FBXL18: variants seen among roughly 807,000 people sequenced by gnomAD.
FBXL18 encodes the protein F-box/LRR-repeat protein 18.
Under a neutral mutation model 46.0 loss-of-function variants are expected in FBXL18, and 36 were observed. That is an observed-to-expected ratio of 0.78 (90% CI 0.60 to 1.03). FBXL18 has a LOEUF of 1.03. Ranked by LOEUF, FBXL18 falls within the 50% of genes least tolerant of loss-of-function variation. The pLI is 0.00. For missense variants in FBXL18, 977 were observed against 1,004.1 expected, an observed-to-expected ratio of 0.97 and a Z score of 0.36; for synonymous variants, 557 against 465.3, an observed-to-expected ratio of 1.20 and a Z score of -2.54.
chr7:5,477,369 A>T lies in FBXL18; in HGVS notation c.*4406T>A, dbSNP rs1783540687. ...TGGTTTAGTGGCCCCACACTTCATC[A>T]CCTCACTTTGTCCATGAATTTCACA... On this transcript the variant is annotated 3_prime_UTR_variant, in exon 5 of 5. Coordinates refer to ENST00000382368, the MANE Select transcript of FBXL18 (RefSeq NM_024963.6). This position sits in a 1 kb window ranked among gnomAD's most constrained non-coding sequence, Gnocchi z 4.4. 6.6e-6 allele frequency among the ~76,000 whole-genome samples: 1 copy of T among 151,864 alleles called. No homozygotes were observed. The highest frequency in any genetic ancestry group is 2.1e-4 in the South Asian group (1 of 4,822).
rs10281893 is a variant in FBXL18 at position 5,481,032 on chromosome 7, G to A, written c.*743C>T. On this transcript the variant is annotated 3_prime_UTR_variant, in exon 5 of 5. Transcript: ENST00000382368. The stretch of plus-strand genomic sequence containing the variant: ...GACCTTCCCAGGGAAGCTGAAGGCC[G>A]TGGGGTGGGTGGGAGGGGGAGGAGG... 0.38 allele frequency: 56,325 copies of A among 148,730 alleles called. 11,111 individuals carry two copies. The highest frequency in any genetic ancestry group is 0.5 in the South Asian group (2,307 of 4,602). The allele number at this position is 148,730 out of a possible 1,614,324, so 9.2% of individuals were successfully genotyped here.
At chr7:5,458,410 C>T (rs1016586732) in intron 4 of FBXL18, among the ~76,000 whole-genome samples, 3 of 152,126 alleles carry the variant, frequency 2.0e-5, no homozygotes, top group Admixed American at 2.0e-4. Context: ...ACTAAAAATA[C>T]AAAAATTGGC....
At chr7:5,490,717 C>A (rs1783899198) in intron 4 of FBXL18, among the ~76,000 whole-genome samples, 1 of 152,206 alleles carries the variant, frequency 6.6e-6, no homozygotes, top group Admixed American at 6.5e-5. Context: ...GTAATCCCAG[C>A]ACTTTGGGAG....
At chr7:5,492,752 G>A (rs549798698) in intron 3 of FBXL18, among the ~76,000 whole-genome samples, 1 of 152,218 alleles carries the variant, frequency 6.6e-6, no homozygotes, top group African/African-American at 2.4e-5. Flanking sequence ...GGTCACAACA[G>A]AGGCAGAGAC....
At chr7:5,513,588 G>T in intron 1 of FBXL18, 69 bp downstream of exon 1, 1 of 1,568,888 alleles carries the variant, frequency 6.4e-7, no homozygotes, top group Non-Finnish European at 8.7e-7. Context: ...ACCCGGGTCG[G>T]GATGGAAGAA....
chr7:5,481,554 C>G lies in FBXL18; in HGVS notation c.*221G>C. 1 of 523,352 alleles carries G rather than the reference C, an allele frequency of 1.9e-6. No individual in the cohort carries two copies. The highest frequency in any genetic ancestry group is 3.4e-6 in the Non-Finnish European group (1 of 292,706). The allele number at this position is 523,352 out of a possible 1,614,324, so 32.4% of individuals were successfully genotyped here. The stretch of plus-strand genomic sequence containing the variant: ...CCCCCACATCGACCGTCCCCCGAGC[C>G]CCCTCATGTCACCCAGAACGCATCC... On this transcript the variant is annotated 3_prime_UTR_variant, in exon 5 of 5. Coordinates refer to ENST00000382368, the MANE Select transcript of FBXL18 (RefSeq NM_024963.6).
At position 5,477,297 on chromosome 7, in the gene FBXL18, G is replaced by A. The variant is rs10265508; in HGVS notation, c.*4478C>T. On this transcript the variant is annotated 3_prime_UTR_variant, in exon 5 of 5. Transcript: ENST00000382368. This position sits in a 1 kb window ranked among gnomAD's most constrained non-coding sequence, Gnocchi z 4.4. ...TCAAGGCTACCAGGAACTGGCAGCAGCGCTCTGCCCACGTCCACAGGAAGT... is the reference window on the plus strand; with the variant it reads ...TCAAGGCTACCAGGAACTGGCAGCAACGCTCTGCCCACGTCCACAGGAAGT... Among the ~76,000 whole-genome samples, 60,742 of 152,060 alleles carry A rather than the reference G, an allele frequency of 0.4. 12,640 individuals carry two copies. The highest frequency in any genetic ancestry group is 0.51 in the South Asian group (2,469 of 4,824).
chr7:5,463,261 C>T (rs1028019306), intron 4 of FBXL18, among the ~76,000 whole-genome samples: 18 of 151,430 alleles, frequency 1.2e-4, no homozygotes, highest in Non-Finnish European at 2.5e-4. Context: ...AAAATGTTGC[C>T]GTATGACTTA....
At chr7:5,460,831 T>C (rs1783233926) in intron 4 of FBXL18, among the ~76,000 whole-genome samples, 2 of 152,200 alleles carry the variant, frequency 1.3e-5, no homozygotes, top group Non-Finnish European at 2.9e-5. Flanking sequence ...ATCTGCACAT[T>C]GCCGCCCCTC....
chr7:5,465,347 C>T (rs1783326622), intron 4 of FBXL18, among the ~76,000 whole-genome samples: 1 of 151,884 alleles, frequency 6.6e-6, no homozygotes, highest in Admixed American at 6.6e-5. Context: ...ACTACAGGCG[C>T]ACACCACCAC....
rs1783611573 is a variant in FBXL18, at chr7:5,480,485, T to C, written c.*1290A>G. ...GGTATCCCTGTGTTGCCCAGGCTGA[T>C]CTCAAACTCCTGGGCTCAAGTGATC... On this transcript the variant is annotated 3_prime_UTR_variant, in exon 5 of 5. Transcript: ENST00000382368. The C allele has an allele frequency of 6.6e-6, 1 of 150,594 alleles. No homozygotes were observed. The highest frequency in any genetic ancestry group is 2.5e-5 in the African/African-American group (1 of 40,706). 9.3% of individuals were successfully genotyped at this position (150,594 alleles called of 1,614,324 possible).
chr7:5,476,170 GCA>G lies in FBXL18; in HGVS notation c.*5603_*5604del. 1 of 152,584 alleles carries G rather than the reference GCA, an allele frequency of 6.6e-6. No homozygotes were observed. Among genetic ancestry groups the G allele is most frequent in the Non-Finnish European group, 1.5e-5 (1 of 68,746 alleles). 9.5% of individuals were successfully genotyped at this position (152,584 alleles called of 1,614,324 possible). On this transcript the variant is annotated 3_prime_UTR_variant, in exon 5 of 5. Coordinates refer to ENST00000382368, the MANE Select transcript of FBXL18 (RefSeq NM_024963.6). Reference sequence around the variant, plus strand: ...ACCGACGGCTGCAGGGGAGGGGCACGCACACACACAGGCACGCACATGCTTGC... The same window carrying G: ...ACCGACGGCTGCAGGGGAGGGGCACGCACACACAGGCACGCACATGCTTGC...
At chr7:5,511,959 G>C (rs1163933255) in intron 1 of FBXL18, among the ~76,000 whole-genome samples, 2 of 151,756 alleles carry the variant, frequency 1.3e-5, no homozygotes, top group Non-Finnish European at 2.9e-5. Flanking sequence ...GAATGGGCCG[G>C]GCACAGTGGC....
intron 4 of FBXL18, chr7:5,489,877 A>G: frequency 1.5e-6 from 1 of 688,448 alleles, no homozygotes; most frequent in Non-Finnish European, 2.2e-6. Flanking sequence ...CCCAGAAAGC[A>G]GAGGTTGCAG....
At chr7:5,499,617 G>T (rs1405521720) in intron 3 of FBXL18, among the ~76,000 whole-genome samples, 1 of 151,942 alleles carries the variant, frequency 6.6e-6, no homozygotes, top group Non-Finnish European at 1.5e-5. Flanking sequence ...TGTAGTCCCA[G>T]CTGCTCGGGA....
intron 4 of FBXL18, among the ~76,000 whole-genome samples, chr7:5,466,503 C>T (rs10272428): frequency 0.71 from 108,003 of 152,058 alleles, 39,164 homozygotes; most frequent in East Asian, 0.9. Flanking sequence ...AGCAACTGCC[C>T]GTGTTTCTCC....
intron 4 of FBXL18, among the ~76,000 whole-genome samples, chr7:5,469,566 C>T (rs1006570577): frequency 6.7e-6 from 1 of 149,692 alleles, no homozygotes; most frequent in Non-Finnish European, 1.5e-5. Flanking sequence ...GGGGGGTGTA[C>T]GTGCAAATCC....
At chr7:5,472,298 A>C (rs1783438463), downstream of FBXL18, among the ~76,000 whole-genome samples, 1 of 152,112 alleles carries the variant, frequency 6.6e-6, no homozygotes, top group South Asian at 2.1e-4. Context: ...TTCTGCAATG[A>C]CAGCTCATCA....
Position 5,505,535 on chromosome 7 carries a change from G to A in FBXL18, c.114C>T (p.His38=), listed in dbSNP as rs893949266. 80 of 1,614,050 alleles carry A rather than the reference G, an allele frequency of 5.0e-5. 1 individual carries two copies. The East Asian group carries it at 1.8e-3, about 36-fold the overall frequency. ...LLGFSDEILL[H]ILSHVPSTDL... ...CTGTGCTGGGGACGTGACTCAGGATGTGAAGGAGGATCTCATCAGAGAACC... is the reference window on the plus strand; with the variant it reads ...CTGTGCTGGGGACGTGACTCAGGATATGAAGGAGGATCTCATCAGAGAACC... Residue 38 remains histidine (H), a synonymous_variant, in exon 2 of 5, where the codon CAC becomes CAT. Coordinates refer to ENST00000382368, the MANE Select transcript of FBXL18 (RefSeq NM_024963.6).
Sources: allele counts gnomAD v4.1 joint callset (sites outside exome capture counted in the v4.1 genomes callset), GRCh38; gene constraint gnomAD v4.1.1; non-coding constraint Gnocchi (gnomAD v3.1); transcripts MANE v1.5; gene names NCBI Gene and HGNC (gene_info 2026-07-23, HGNC 2026-07-21).